HPSE: variants seen among roughly 807,000 people sequenced by gnomAD.
HPSE encodes heparanase.
Under a neutral mutation model 65.1 loss-of-function variants are expected in HPSE, and 48 were observed. The ratio of observed to expected loss-of-function variants is 0.74; its 90% CI spans 0.58 to 0.94. The LOEUF (loss-of-function observed/expected upper bound fraction) is 0.94. Ranked by LOEUF, HPSE falls within the 40% of genes least tolerant of loss-of-function variation. HPSE has a pLI of 0.00. For missense variants in HPSE, 644 were observed against 637.5 expected, an observed-to-expected ratio of 1.01 and a Z score of -0.11; for synonymous variants, 243 against 260.0, an observed-to-expected ratio of 0.93 and a Z score of 0.63.
intron 2 of HPSE, among the ~76,000 whole-genome samples, chr4:83,320,385 T>A (rs923312269): frequency 1.3e-5 from 2 of 151,944 alleles, no homozygotes; most frequent in African/African-American, 4.8e-5. Context: ...GACAACATAG[T>A]AAAACCCTGC....
chr4:83,313,032 AAAAAAAAAAG>A, intron 4 of HPSE, 72 bp downstream of exon 4: 2 of 1,028,626 alleles, frequency 1.9e-6, no homozygotes, highest in East Asian at 2.6e-5. Flanking sequence ...AAAAAAAAAA[AAAAAAAAAAG>A]AAAAAGAAAA....
chr4:83,307,324 T>C (rs986259477), intron 8 of HPSE, among the ~76,000 whole-genome samples: 4 of 152,226 alleles, frequency 2.6e-5, no homozygotes, highest in Non-Finnish European at 5.9e-5. Context: ...TTCTGGTTTA[T>C]TGATCTTTGA....
Position 83,306,218 on chromosome 4 carries a change from G to A in HPSE, c.1191C>T (p.Asn397=). 1 of 1,601,214 alleles carries A rather than the reference G, an allele frequency of 6.2e-7. No homozygotes were observed. Among genetic ancestry groups the A allele is most frequent in the Non-Finnish European group, 8.6e-7 (1 of 1,168,230 alleles). The part of the protein sequence containing the change: ...GAGNYHLVDE[N]FDPLPDYWLS... Reference sequence around the variant, plus strand: ...GGTCACTTACAGGTAAAGGATCGAAGTTTTCATCCACTAAATGGTAGTTTC... The same window carrying A: ...GGTCACTTACAGGTAAAGGATCGAAATTTTCATCCACTAAATGGTAGTTTC... The change falls in exon 9 of 12, where the codon AAC becomes AAT. Residue 397 remains asparagine, a synonymous_variant. Coordinates refer to ENST00000311412, the MANE Select transcript of HPSE (RefSeq NM_001098540.3).
At chr4:83,308,704 T>A (rs571139900) in intron 8 of HPSE, 141 bp downstream of exon 8, 1 of 643,878 alleles carries the variant, frequency 1.6e-6, no homozygotes, top group East Asian at 2.7e-5. Context: ...ATCATTTTCT[T>A]GCAAAATCTG....
chr4:83,313,220 AT>A lies in HPSE; in HGVS notation c.566del (p.Asn189MetfsTer4), dbSNP rs1388763522. On this transcript the variant is annotated frameshift_variant, in exon 4 of 12. Transcript: ENST00000311412. LOFTEE classifies it high-confidence loss of function. ...GCAAATCTGCTGTTCTTAATAACGC[AT>A]TTAGGCCAAAGATCAAGTCCAGTCC... ...CSGLDLIFGLNALLRTADLQW... is the reference protein window; with the variant it reads ...CSGLDLIFGLXALLRTADLQW... The A allele has an allele frequency of 3.1e-6, 5 of 1,614,064 alleles. No homozygotes were observed. Among genetic ancestry groups the A allele is most frequent in the Non-Finnish European group, 4.2e-6 (5 of 1,179,958 alleles).
chr4:83,299,364 A>C (rs1735850270), intron 11 of HPSE, among the ~76,000 whole-genome samples: 19 of 2,704 alleles, frequency 7.0e-3, no homozygotes, highest in South Asian at 0.058. Context: ...ACTCTGTCTC[A>C]AAAAAAAAAA....
Position 83,294,024 on chromosome 4 carries a change from C to T in HPSE, c.*1320G>A, listed in dbSNP as rs558703516. ...TTCTTAAAACTCATAATATATCCTT[C>T]GCTTCCTTGCTTCCTGACCATATTA... On this transcript the variant is annotated 3_prime_UTR_variant, in exon 12 of 12. Coordinates refer to ENST00000311412, the MANE Select transcript of HPSE (RefSeq NM_001098540.3). 5 of 152,300 alleles carry T rather than the reference C, an allele frequency of 3.3e-5. No individual in the cohort carries two copies. The South Asian group carries it at 1.0e-3, about 32-fold the overall frequency. 9.4% of individuals were successfully genotyped at this position (152,300 alleles called of 1,614,324 possible). A position where few individuals can be genotyped will look rare whatever the true frequency, so the allele number is the denominator to read the frequency against.
intron 4 of HPSE, among the ~76,000 whole-genome samples, chr4:83,311,720 T>G (rs1268279152): frequency 6.8e-6 from 1 of 146,916 alleles, no homozygotes; most frequent in Admixed American, 6.9e-5. Flanking sequence ...AGTTGGAGGT[T>G]ACATTGAGCT....
At chr4:83,309,913 T>G in intron 6 of HPSE, 118 bp downstream of exon 6, 1 of 688,390 alleles carries the variant, frequency 1.5e-6, no homozygotes, top group Non-Finnish European at 2.5e-6. Context: ...TGAGACACTA[T>G]TTGTTTCTTA....
chr4:83,299,933 G>A (rs1392828734), intron 11 of HPSE, among the ~76,000 whole-genome samples: 2 of 152,082 alleles, frequency 1.3e-5, no homozygotes, highest in Non-Finnish European at 2.9e-5. Flanking sequence ...AAACTCCTGG[G>A]CTGAAGTGAT....
At chr4:83,314,261 A>AC (rs1553920107) in intron 3 of HPSE, among the ~76,000 whole-genome samples, 4 of 53,222 alleles carry the variant, frequency 7.5e-5, no homozygotes, top group South Asian at 6.5e-4. Flanking sequence ...CTGTCTCAAA[A>AC]AAAAAAACAA....
chr4:83,314,326 T>C (rs953549302), intron 3 of HPSE, among the ~76,000 whole-genome samples: 4 of 146,166 alleles, frequency 2.7e-5, no homozygotes, highest in Admixed American at 6.7e-5. Flanking sequence ...ATGAAAAAAA[T>C]TATTTATCTG....
At chr4:83,296,486 C>G (rs1735726078) in intron 11 of HPSE, among the ~76,000 whole-genome samples, 1 of 151,926 alleles carries the variant, frequency 6.6e-6, no homozygotes, top group Non-Finnish European at 1.5e-5. Flanking sequence ...TCAGCCTGGC[C>G]AACATGGCAA....
chr4:83,333,133 C>CCT (rs1380494229), intron 1 of HPSE, among the ~76,000 whole-genome samples: 5 of 152,168 alleles, frequency 3.3e-5, no homozygotes, highest in Admixed American at 3.3e-4. Context: ...TAACTATGAT[C>CCT]CAAAGAAACA....
At chr4:83,325,838 GA>G (rs1389171356) in intron 1 of HPSE, among the ~76,000 whole-genome samples, 5 of 152,332 alleles carry the variant, frequency 3.3e-5, no homozygotes, top group Non-Finnish European at 7.4e-5. Context: ...TAGGATTGAA[GA>G]AAGCATTCCA....
At position 83,322,344 on chromosome 4, in the gene HPSE, A is replaced by G. The variant is rs752150627; in HGVS notation, c.248T>C (p.Leu83Ser). The part of the protein sequence containing the change: ...ILLGSPKLRT[L>S]ARGLSPAYLR... ...GTACGCAGGAGACAAGCCTCTGGCC[A>G]AGGTACGAAGCTTTGGAGAACTGTT... The change falls in exon 2 of 12, where the codon TTG becomes TCG. Residue 83 changes from leucine (L) to serine (S), a missense_variant. Transcript: ENST00000311412. 6.2e-7 allele frequency: 1 copy of G among 1,613,198 alleles called. No individual in the cohort carries two copies. The highest frequency in any genetic ancestry group is 8.5e-7 in the Non-Finnish European group (1 of 1,179,598).
At chr4:83,312,510 T>C (rs1334661428) in intron 4 of HPSE, among the ~76,000 whole-genome samples, 1 of 149,902 alleles carries the variant, frequency 6.7e-6, no homozygotes, top group Non-Finnish European at 1.5e-5. Flanking sequence ...ACCCCGTCTC[T>C]ACTAAAAATA....
intron 3 of HPSE, among the ~76,000 whole-genome samples, chr4:83,316,607 G>GT (rs1736653687): frequency 6.6e-6 from 1 of 152,132 alleles, no homozygotes; most frequent in Non-Finnish European, 1.5e-5. Context: ...GAAGAATGGG[G>GT]TGATGAGGGG....
At chr4:83,309,065 T>C in intron 7 of HPSE, 114 bp from the exon 8 acceptor site, 1 of 714,066 alleles carries the variant, frequency 1.4e-6, no homozygotes, top group Non-Finnish European at 2.4e-6. Context: ...CCACCCCTCC[T>C]ATATAGTTAT....
Sources: allele counts gnomAD v4.1 joint callset (sites outside exome capture counted in the v4.1 genomes callset), GRCh38; gene constraint gnomAD v4.1.1; transcripts MANE v1.5; gene names NCBI Gene and HGNC (gene_info 2026-07-23, HGNC 2026-07-21).